The following FRY variants were observed in gnomAD, a reference collection of about 807,000 sequenced individuals.
FRY encodes protein furry homolog.
A neutral mutation model predicts 348.4 loss-of-function variants in FRY; 128 were observed. That is an observed-to-expected ratio of 0.37 (90% confidence interval 0.32 to 0.43). The LOEUF is 0.43. FRY is among the 20% of genes least tolerant of loss of function. The probability of loss-of-function intolerance (pLI) is 1.00; values close to 1 mark genes in which losing one functional copy is unlikely to be tolerated. For missense variants in FRY, 2,736 were observed against 3,695.2 expected, an observed-to-expected ratio of 0.74 and a Z score of 6.73; for synonymous variants, 1,370 against 1,374.7, an observed-to-expected ratio of 1.00 and a Z score of 0.08.
chr13:32,175,998 C>T (rs1467602493), intron 20 of FRY, among the ~76,000 whole-genome samples: 1 of 152,042 alleles, frequency 6.6e-6, no homozygotes. Context: ...TTATAGTTTA[C>T]AGAGTGCTTT....
intron 1 of FRY, among the ~76,000 whole-genome samples, chr13:32,074,606 A>C (rs138720156): frequency 5.2e-4 from 79 of 152,348 alleles, no homozygotes; most frequent in Non-Finnish European, 1.0e-3. Flanking sequence ...TGAACCATAC[A>C]CTTGAAAAAG....
chr13:32,062,728 T>A (rs1182121189), intron 1 of FRY, among the ~76,000 whole-genome samples: 1 of 152,146 alleles, frequency 6.6e-6, no homozygotes, highest in Admixed American at 6.5e-5. Context: ...CCAGCAAGAC[T>A]GAAAAAGATT....
At chr13:32,236,684 G>A (rs1886244062) in intron 43 of FRY, among the ~76,000 whole-genome samples, 3 of 151,676 alleles carry the variant, frequency 2.0e-5, no homozygotes, top group African/African-American at 4.8e-5. Flanking sequence ...AATTATTCAC[G>A]ACTCTATATT....
intron 59 of FRY, 52 bp from the exon 60 acceptor site, chr13:32,294,315 TA>T: frequency 7.6e-7 from 1 of 1,308,960 alleles, no homozygotes; most frequent in Non-Finnish European, 1.1e-6. Context: ...TTTTGGGATG[TA>T]AAATTCCCCC....
chr13:32,268,309 T>C (rs1413043890), intron 55 of FRY, among the ~76,000 whole-genome samples: 1 of 151,824 alleles, frequency 6.6e-6, no homozygotes, highest in Non-Finnish European at 1.5e-5. Flanking sequence ...ACATCAGAGC[T>C]CTTTGAAGGC....
intron 56 of FRY, among the ~76,000 whole-genome samples, chr13:32,275,328 C>T (rs1179569542): frequency 6.6e-6 from 1 of 151,740 alleles, no homozygotes; most frequent in Non-Finnish European, 1.5e-5. Flanking sequence ...GCAGAGCTTG[C>T]AGTGAGCCGA....
intron 31 of FRY, among the ~76,000 whole-genome samples, chr13:32,203,424 C>A (rs1459414218): frequency 6.6e-6 from 1 of 152,120 alleles, no homozygotes; most frequent in Non-Finnish European, 1.5e-5. Context: ...TGCAGAATTG[C>A]TAAAGAATTG....
At chr13:32,058,008 A>G (rs1289424149) in intron 1 of FRY, among the ~76,000 whole-genome samples, 2 of 152,370 alleles carry the variant, frequency 1.3e-5, no homozygotes, top group Middle Eastern at 3.4e-3. Flanking sequence ...CAGGCCACAC[A>G]GAAGCAGAAA....
intron 51 of FRY, among the ~76,000 whole-genome samples, chr13:32,258,961 A>G (rs970461105): frequency 2.0e-5 from 3 of 152,178 alleles, no homozygotes; most frequent in African/African-American, 7.2e-5. Context: ...CAGAGTTCCA[A>G]TATGAAAAAA....
At position 32,247,011 on chromosome 13, in the gene FRY, T is replaced by C. The variant is rs571336324; in HGVS notation, c.6829-312T>C. Among the ~76,000 whole-genome samples the C allele has an allele frequency of 2.7e-3, 408 of 151,680 alleles. 2 individuals carry two copies. Among genetic ancestry groups the C allele is most frequent in the African/African-American group, 9.2e-3 (382 of 41,412 alleles). On this transcript the variant is annotated intron_variant, in intron 47 of 60. Coordinates refer to ENST00000542859, the MANE Select transcript of FRY (RefSeq NM_023037.3). ...GAACTGAACAGTCAGTGTCATAAAA[T>C]GCATTGGGAGCTTTTTTTTTTCCCT...
In FRY at chr13:32,179,910, A is replaced by T. The variant is rs553233462; in HGVS notation, c.2996+111A>T. On this transcript the variant is annotated intron_variant, in intron 23 of 60. Transcript: ENST00000542859. ...GTTGGCGTGTGCCCAGAGAGTTTATAGGCTTTGTGTGACTTCCCACTACAT... is the reference window on the plus strand; with the variant it reads ...GTTGGCGTGTGCCCAGAGAGTTTATTGGCTTTGTGTGACTTCCCACTACAT... 6 of 1,087,610 alleles carry T rather than the reference A, an allele frequency of 5.5e-6. No individual in the cohort carries two copies. The African/African-American group carries it at 7.7e-5, about 14-fold the overall frequency. The allele number at this position is 1,087,610 out of a possible 1,614,324, so 67.4% of individuals were successfully genotyped here.
chr13:32,151,395 T>C (rs560579551), intron 14 of FRY, among the ~76,000 whole-genome samples: 1 of 152,256 alleles, frequency 6.6e-6, no homozygotes, highest in African/African-American at 2.4e-5. Context: ...TTATCAGTAG[T>C]TGGTAATTAT....
chr13:32,193,102 T>A (rs969067304), intron 28 of FRY, among the ~76,000 whole-genome samples: 1 of 151,126 alleles, frequency 6.6e-6, no homozygotes, highest in East Asian at 1.9e-4. Flanking sequence ...AGGCTTCTCC[T>A]GGACAAATGT....
At chr13:32,082,680 CT>C (rs1875577514) in intron 2 of FRY, among the ~76,000 whole-genome samples, 1 of 152,076 alleles carries the variant, frequency 6.6e-6, no homozygotes, top group South Asian at 2.1e-4. Flanking sequence ...ATCTGAATGT[CT>C]TTATTTCTCC....
intron 1 of FRY, among the ~76,000 whole-genome samples, chr13:32,033,735 A>AT (rs1690284741): frequency 6.6e-6 from 1 of 152,162 alleles, no homozygotes; most frequent in African/African-American, 2.4e-5. Flanking sequence ...CACTATATTA[A>AT]TTTTTTTATT....
intron 8 of FRY, among the ~76,000 whole-genome samples, chr13:32,132,793 C>T (rs1425150620): frequency 1.3e-5 from 2 of 152,084 alleles, no homozygotes; most frequent in East Asian, 3.8e-4. Context: ...ACCCAAATGT[C>T]TATAAAATGA....
Position 32,093,831 on chromosome 13 carries a change from A to G in FRY, c.271-8132A>G, listed in dbSNP as rs1876499886. On this transcript the variant is annotated intron_variant, in intron 2 of 60. Coordinates refer to ENST00000542859, the MANE Select transcript of FRY (RefSeq NM_023037.3). The stretch of plus-strand genomic sequence containing the variant: ...TTCAGGGACCCATCACCCCAAAGTT[A>G]TGCTTTTTCAGAATGATTTTGTGAA... Among the ~76,000 whole-genome samples, 3 of 152,222 alleles carry G rather than the reference A, an allele frequency of 2.0e-5. No homozygotes were observed. The South Asian group carries it at 6.2e-4, about 31-fold the overall frequency.
intron 7 of FRY, among the ~76,000 whole-genome samples, chr13:32,126,947 T>G (rs1022429401): frequency 2.0e-5 from 3 of 152,220 alleles, no homozygotes; most frequent in Non-Finnish European, 4.4e-5. Flanking sequence ...TGATTATGAC[T>G]TTAGCTATTA....
At chr13:32,093,613 C>T (rs1389594744) in intron 2 of FRY, among the ~76,000 whole-genome samples, 2 of 152,172 alleles carry the variant, frequency 1.3e-5, no homozygotes, top group African/African-American at 4.8e-5. Context: ...TTTCATACTG[C>T]TTTCTTCCAT....
Sources: allele counts gnomAD v4.1 joint callset (sites outside exome capture counted in the v4.1 genomes callset), GRCh38; gene constraint gnomAD v4.1.1; transcripts MANE v1.5; gene names NCBI Gene and HGNC (gene_info 2026-07-23, HGNC 2026-07-21).